COL5A2: variants seen among roughly 807,000 people sequenced by gnomAD.
The protein encoded by COL5A2 is collagen type V alpha 2 chain, also known as collagen alpha-2(V) chain.
Under a neutral mutation model 208.2 loss-of-function variants are expected in COL5A2, and 23 were observed. That is an observed-to-expected ratio of 0.11 (90% CI 0.08 to 0.16). COL5A2 has a LOEUF of 0.16. COL5A2 is among the 10% of genes least tolerant of loss of function. The probability of loss-of-function intolerance (pLI) is 1.00; values close to 1 mark genes in which losing one functional copy is unlikely to be tolerated. For missense variants in COL5A2, 1,590 were observed against 1,956.4 expected, an observed-to-expected ratio of 0.81 and a Z score of 3.53; for synonymous variants, 625 against 628.5, an observed-to-expected ratio of 0.99 and a Z score of 0.08.
chr2:189,360,759 A>G, the COL5A2 span, among the ~76,000 whole-genome samples: 1 of 152,030 alleles, frequency 6.6e-6, no homozygotes, highest in Non-Finnish European at 1.5e-5. Context: ...ATTTATCCTG[A>G]TGCTCTCCCT....
At chr2:189,072,786 A>G (rs927474544) in intron 17 of COL5A2, among the ~76,000 whole-genome samples, 1 of 150,690 alleles carries the variant, frequency 6.6e-6, no homozygotes, top group Non-Finnish European at 1.5e-5. Context: ...AAAAAAAAAA[A>G]CCATCTGGAT....
chr2:189,179,780 A>T (rs570350400), upstream of COL5A2: 137 of 1,000,540 alleles, frequency 1.4e-4, 1 homozygote, highest in African/African-American at 4.2e-4. Context: ...TTTTCAAGCG[A>T]TGCAGCTTTA....
At chr2:189,178,237 C>T (rs1559138344) in intron 1 of COL5A2, among the ~76,000 whole-genome samples, 2 of 152,218 alleles carry the variant, frequency 1.3e-5, no homozygotes, top group African/African-American at 2.4e-5. Context: ...GGACTCCTGA[C>T]AGATTGTTGG....
the COL5A2 span, among the ~76,000 whole-genome samples, chr2:189,278,025 C>T: frequency 6.6e-6 from 1 of 152,106 alleles, no homozygotes; most frequent in Non-Finnish European, 1.5e-5. Context: ...AGAATGCCAG[C>T]AGCTGACACT....
At chr2:189,429,227 C>G in the COL5A2 span, among the ~76,000 whole-genome samples, 1 of 152,070 alleles carries the variant, frequency 6.6e-6, no homozygotes, top group Non-Finnish European at 1.5e-5. Flanking sequence ...ATAATAAATA[C>G]ATAGAATTTT....
chr2:189,097,482 TA>T, intron 5 of COL5A2, 152 bp from the exon 6 acceptor site: 1 of 809,890 alleles, frequency 1.2e-6, no homozygotes, highest in South Asian at 1.5e-5. Flanking sequence ...CATGTGCATA[TA>T]AAAGTTCTGT....
chr2:189,036,743 T>C lies in COL5A2; in HGVS notation c.3986A>G (p.Asn1329Ser). ...SVEDAIKVYC[N>S]METGETCISA... Reference sequence around the variant, plus strand: ...AATACATGTTTCTCCTGTTTCCATGTTGCAGTAAACTTTGATTGCATCTTC... The same window carrying C: ...AATACATGTTTCTCCTGTTTCCATGCTGCAGTAAACTTTGATTGCATCTTC... Residue 1329 changes from asparagine to serine, a missense_variant, in exon 52 of 54, where the codon AAC becomes AGC. Asn to Ser is a conservative substitution (Grantham distance 46). Coordinates refer to ENST00000374866, the MANE Select transcript of COL5A2 (RefSeq NM_000393.5). The C allele has an allele frequency of 6.2e-7, 1 of 1,613,774 alleles. No homozygotes were observed. The highest frequency in any genetic ancestry group is 1.7e-5 in the Admixed American group (1 of 60,012).
intron 5 of COL5A2, chr2:189,097,662 A>G (rs1180048992): frequency 1.9e-6 from 1 of 516,144 alleles, no homozygotes. Context: ...AGCCTTTGCC[A>G]CTAAACTCTG....
At chr2:189,300,134 A>G in the COL5A2 span, among the ~76,000 whole-genome samples, 1 of 152,222 alleles carries the variant, frequency 6.6e-6, no homozygotes, top group Non-Finnish European at 1.5e-5. Flanking sequence ...TCTCATGACC[A>G]AGTAATAACA....
At chr2:189,078,461 G>A in intron 16 of COL5A2, 55 bp downstream of exon 16, 1 of 1,402,562 alleles carries the variant, frequency 7.1e-7, no homozygotes, top group Non-Finnish European at 1.0e-6. Context: ...AACCAAATCT[G>A]AAAATGAATT....
the COL5A2 span, among the ~76,000 whole-genome samples, chr2:189,413,101 G>C: frequency 6.6e-6 from 1 of 152,160 alleles, no homozygotes; most frequent in Admixed American, 6.5e-5. Context: ...CTATAGTGAA[G>C]TTTATGAAGT....
At chr2:189,263,866 A>G in the COL5A2 span, among the ~76,000 whole-genome samples, 1 of 152,158 alleles carries the variant, frequency 6.6e-6, no homozygotes, top group East Asian at 1.9e-4. Flanking sequence ...GCACAGAAGA[A>G]ATCACCTAAT....
intron 1 of COL5A2, among the ~76,000 whole-genome samples, chr2:189,154,868 C>T (rs1049399831): frequency 3.3e-5 from 5 of 151,866 alleles, no homozygotes; most frequent in Non-Finnish European, 7.4e-5. Flanking sequence ...GCATAAAACT[C>T]GAAATAAAAT....
chr2:189,294,514 T>C, the COL5A2 span, among the ~76,000 whole-genome samples: 1 of 152,234 alleles, frequency 6.6e-6, no homozygotes, highest in Non-Finnish European at 1.5e-5. Flanking sequence ...CTGTTATTCT[T>C]GGAATTTATC....
At chr2:189,423,752 C>T in the COL5A2 span, among the ~76,000 whole-genome samples, 9 of 152,042 alleles carry the variant, frequency 5.9e-5, no homozygotes, top group Non-Finnish European at 1.2e-4. Context: ...AAACCCAGGA[C>T]CTGGTGGCTT....
chr2:189,197,318 C>G (rs1689015763), intron 1 of COL5A2, among the ~76,000 whole-genome samples: 1 of 152,018 alleles, frequency 6.6e-6, no homozygotes, highest in Non-Finnish European at 1.5e-5. Context: ...AGCATTAGGA[C>G]AAATAGCTAA....
At chr2:189,330,180 G>A in the COL5A2 span, among the ~76,000 whole-genome samples, 1 of 152,064 alleles carries the variant, frequency 6.6e-6, no homozygotes, top group Admixed American at 6.6e-5. Context: ...AGGGCAGGAG[G>A]TCTGAAAGAA....
At chr2:189,337,181 T>TC in the COL5A2 span, among the ~76,000 whole-genome samples, 1 of 150,928 alleles carries the variant, frequency 6.6e-6, no homozygotes, top group Non-Finnish European at 1.5e-5. Flanking sequence ...CATCATTTTT[T>TC]TTTTTCTTTT....
the COL5A2 span, among the ~76,000 whole-genome samples, chr2:189,268,477 A>G: frequency 6.6e-6 from 1 of 152,134 alleles, no homozygotes; most frequent in African/African-American, 2.4e-5. Context: ...TTTTCAGACA[A>G]ACACCCTACA....
Sources: gnomAD v4.1 joint callset for allele counts (sites outside exome capture counted in the v4.1 genomes callset) on GRCh38, gnomAD v4.1.1 for gene constraint, MANE v1.5 for transcripts, NCBI Gene and HGNC (gene_info 2026-07-23, HGNC 2026-07-21) for gene names.